Variants in EPHA3 observed in about 807,000 individuals in gnomAD.
The protein encoded by EPHA3 is ephrin type-A receptor 3.
EPHA3 carries 42 observed loss-of-function variants against 107.1 expected under a neutral mutation model. That is an observed-to-expected ratio of 0.39 (90% CI 0.31 to 0.51). The LOEUF (loss-of-function observed/expected upper bound fraction) is 0.51, where lower values mean the gene tolerates loss of function less well. Ranked by LOEUF, EPHA3 falls within the 20% of genes least tolerant of loss-of-function variation. The pLI is 0.78. For synonymous variants in EPHA3, 461 were observed against 424.8 expected (o/e 1.09, Z -1.05); for missense variants, 1,183 against 1,211.2 (o/e 0.98, Z 0.35).
At chr3:89,295,873 A>T (rs1189970180) in intron 3 of EPHA3, among the ~76,000 whole-genome samples, 5 of 151,942 alleles carry the variant, frequency 3.3e-5, no homozygotes, top group African/African-American at 7.3e-5. Context: ...TACAGGCATG[A>T]CCCACCACAC....
chr3:89,334,801 C>G (rs925237774), intron 3 of EPHA3, among the ~76,000 whole-genome samples: 2 of 152,110 alleles, frequency 1.3e-5, no homozygotes, highest in Non-Finnish European at 2.9e-5. Context: ...TTGAAGATAC[C>G]TGATCAGTAA....
At chr3:89,345,311 C>A (rs536340613) in intron 5 of EPHA3, among the ~76,000 whole-genome samples, 1 of 151,404 alleles carries the variant, frequency 6.6e-6, no homozygotes, top group East Asian at 1.9e-4. Context: ...TTCATCAAGA[C>A]AGCAAAGTTC....
intron 13 of EPHA3, among the ~76,000 whole-genome samples, chr3:89,432,964 ATAATT>A (rs1709598352): frequency 6.6e-6 from 1 of 152,142 alleles, no homozygotes; most frequent in Admixed American, 6.5e-5. Flanking sequence ...ATTCATATAC[ATAATT>A]TAATTAAATA....
intron 2 of EPHA3, among the ~76,000 whole-genome samples, chr3:89,202,661 G>C (rs1307184912): frequency 6.6e-6 from 1 of 150,932 alleles, no homozygotes. Flanking sequence ...GAATAAAACT[G>C]CAATTATAAG....
intron 2 of EPHA3, among the ~76,000 whole-genome samples, chr3:89,191,431 C>G (rs1455213108): frequency 1.3e-4 from 20 of 151,840 alleles, no homozygotes; most frequent in Admixed American, 1.3e-3. Flanking sequence ...CTCAGCCTCC[C>G]GAGTAGCTGG....
intron 5 of EPHA3, among the ~76,000 whole-genome samples, chr3:89,368,688 T>C (rs1366669674): frequency 6.7e-6 from 1 of 150,368 alleles, no homozygotes; most frequent in East Asian, 1.9e-4. Flanking sequence ...CCCTCTGCCT[T>C]GTTCTATTTA....
At chr3:89,365,717 T>C (rs1245852608) in intron 5 of EPHA3, among the ~76,000 whole-genome samples, 4 of 150,490 alleles carry the variant, frequency 2.7e-5, no homozygotes, top group Non-Finnish European at 6.0e-5. Flanking sequence ...GCATCAACAA[T>C]ACCAACAAGT....
At chr3:89,131,848 G>C (rs566074967) in intron 2 of EPHA3, among the ~76,000 whole-genome samples, 1 of 152,322 alleles carries the variant, frequency 6.6e-6, no homozygotes, top group East Asian at 1.9e-4. Flanking sequence ...TAGGGAGCTT[G>C]TTGATTGCCC....
intron 3 of EPHA3, among the ~76,000 whole-genome samples, chr3:89,332,382 A>G (rs770696059): frequency 6.6e-6 from 1 of 152,222 alleles, no homozygotes; most frequent in Non-Finnish European, 1.5e-5. Context: ...GCTATCTTTG[A>G]GCCATACTGG....
chr3:89,213,735 T>A (rs1377964221), intron 3 of EPHA3, among the ~76,000 whole-genome samples: 1 of 152,022 alleles, frequency 6.6e-6, no homozygotes, highest in African/African-American at 2.4e-5. Flanking sequence ...TTTTTGTAGA[T>A]GCTGAAATAA....
chr3:89,250,314 A>G (rs1705131238), intron 3 of EPHA3, among the ~76,000 whole-genome samples: 1 of 152,196 alleles, frequency 6.6e-6, no homozygotes. Flanking sequence ...GCATTTACTC[A>G]GTTGCTTCTT....
rs1327449704 is a variant in EPHA3, at chr3:89,479,514, G to T, written c.*12G>T. ...CAGTTCCCGTGTAAAGCACGGGACG[G>T]AAGTGCTTCTGGACGGAAGTGGTGG... On this transcript the variant is annotated 3_prime_UTR_variant, in exon 17 of 17. Transcript: ENST00000336596. 1.2e-6 allele frequency: 2 copies of T among 1,600,466 alleles called. No homozygotes were observed. Among genetic ancestry groups the T allele is most frequent in the Non-Finnish European group, 1.7e-6 (2 of 1,167,804 alleles).
chr3:89,294,011 A>C (rs1268120529), intron 3 of EPHA3, among the ~76,000 whole-genome samples: 1 of 152,142 alleles, frequency 6.6e-6, no homozygotes, highest in African/African-American at 2.4e-5. Flanking sequence ...TTTCCATTCC[A>C]CTAATCACTT....
intron 2 of EPHA3, among the ~76,000 whole-genome samples, chr3:89,137,277 A>C (rs1413356426): frequency 2.0e-5 from 3 of 151,958 alleles, no homozygotes; most frequent in Admixed American, 6.6e-5. Context: ...CCTGATGGAA[A>C]GGAGTTTCAA....
intron 5 of EPHA3, among the ~76,000 whole-genome samples, chr3:89,352,640 A>T (rs1206714152): frequency 6.6e-6 from 1 of 151,160 alleles, no homozygotes. Context: ...GTGGTGGCTC[A>T]TGTCTGTAAT....
intron 13 of EPHA3, among the ~76,000 whole-genome samples, chr3:89,432,982 G>T (rs533029887): frequency 6.6e-5 from 10 of 151,936 alleles, no homozygotes; most frequent in Admixed American, 5.9e-4. Flanking sequence ...ATTAAATAAA[G>T]CACTATTAAT....
intron 3 of EPHA3, among the ~76,000 whole-genome samples, chr3:89,221,426 T>C (rs1223851689): frequency 6.6e-6 from 1 of 152,186 alleles, no homozygotes; most frequent in Non-Finnish European, 1.5e-5. Flanking sequence ...CTGAAAAACA[T>C]ACATAGATAC....
intron 3 of EPHA3, among the ~76,000 whole-genome samples, chr3:89,323,810 A>G: frequency 6.6e-6 from 1 of 152,150 alleles, no homozygotes. Context: ...ATTTTTACAT[A>G]GAAATTATGT....
chr3:89,236,556 G>A (rs896496873), intron 3 of EPHA3, among the ~76,000 whole-genome samples: 4 of 119,816 alleles, frequency 3.3e-5, no homozygotes, highest in Non-Finnish European at 6.5e-5. Context: ...ACAGGAAGGG[G>A]AACATCACAC....
Sources: allele counts gnomAD v4.1 joint callset (sites outside exome capture counted in the v4.1 genomes callset), GRCh38; gene constraint gnomAD v4.1.1; transcripts MANE v1.5; gene names NCBI Gene and HGNC (gene_info 2026-07-23, HGNC 2026-07-21).